GRM5: variants seen among roughly 807,000 people sequenced by gnomAD.
GRM5 encodes metabotropic glutamate receptor 5.
Under a neutral mutation model 83.1 loss-of-function variants are expected in GRM5, and 19 were observed. That is an observed-to-expected ratio of 0.23 (90% confidence interval 0.16 to 0.34). GRM5 has a LOEUF of 0.34. Among genes scored for constraint, GRM5 ranks in the 10% least tolerant of loss-of-function variants. The pLI is 1.00. For synonymous variants in GRM5, 675 were observed against 633.6 expected (o/e 1.07, Z -0.98); for missense variants, 1,160 against 1,588.3 (o/e 0.73, Z 4.58).
intron 3 of GRM5, among the ~76,000 whole-genome samples, chr11:88,709,615 C>A (rs1213499533): frequency 6.6e-6 from 1 of 152,088 alleles, no homozygotes; most frequent in Non-Finnish European, 1.5e-5. Context: ...GGGGTCAGAG[C>A]AGGAGCCAGC....
chr11:88,783,676 C>A (rs12794001), intron 3 of GRM5, among the ~76,000 whole-genome samples: 1 of 152,088 alleles, frequency 6.6e-6, no homozygotes, highest in Non-Finnish European at 1.5e-5. Context: ...TACCCATACT[C>A]ATCTTGGATG....
intron 3 of GRM5, among the ~76,000 whole-genome samples, chr11:88,699,838 A>G (rs991276403): frequency 3.0e-4 from 45 of 152,194 alleles, no homozygotes; most frequent in African/African-American, 1.1e-3. Context: ...CTGTGGCTGC[A>G]TGAGAAGTCT....
chr11:88,629,050 T>C (rs1009714507), intron 4 of GRM5, among the ~76,000 whole-genome samples: 4 of 152,188 alleles, frequency 2.6e-5, no homozygotes, highest in African/African-American at 9.7e-5. Context: ...GGTGCTTTCC[T>C]ATGTGCTCAG....
intron 3 of GRM5, among the ~76,000 whole-genome samples, chr11:88,659,327 C>T (rs1462128248): frequency 6.6e-6 from 1 of 152,100 alleles, no homozygotes. Context: ...CGATCTCTCA[C>T]ATTTCTTTTT....
At chr11:88,824,094 G>A (rs773321464) in intron 3 of GRM5, among the ~76,000 whole-genome samples, 1 of 152,068 alleles carries the variant, frequency 6.6e-6, no homozygotes, top group Non-Finnish European at 1.5e-5. Flanking sequence ...TTTAAAATTT[G>A]TGTTGCTATC....
intron 2 of GRM5, among the ~76,000 whole-genome samples, chr11:88,978,134 A>C (rs1939399760): frequency 6.6e-6 from 1 of 152,170 alleles, no homozygotes; most frequent in African/African-American, 2.4e-5. Flanking sequence ...AATAAGTCCT[A>C]GGTATTTACT....
At chr11:88,799,762 A>T (rs1186680373) in intron 3 of GRM5, among the ~76,000 whole-genome samples, 3 of 152,064 alleles carry the variant, frequency 2.0e-5, no homozygotes, top group Admixed American at 2.0e-4. Flanking sequence ...CGATAATAAA[A>T]GTCAGAAGAT....
intron 3 of GRM5, among the ~76,000 whole-genome samples, chr11:88,760,746 T>TA (rs1942495048): frequency 7.0e-6 from 1 of 142,074 alleles, no homozygotes; most frequent in Non-Finnish European, 1.6e-5. Context: ...CTCACAGAGA[T>TA]ACAACAAAAA....
chr11:88,830,378 T>C (rs996682862), intron 3 of GRM5, among the ~76,000 whole-genome samples: 1 of 152,066 alleles, frequency 6.6e-6, no homozygotes, highest in African/African-American at 2.4e-5. Context: ...TGACTGAAGG[T>C]ATCTGGTACT....
chr11:88,874,440 A>T (rs939802262), intron 2 of GRM5, among the ~76,000 whole-genome samples: 1 of 151,966 alleles, frequency 6.6e-6, no homozygotes, highest in Non-Finnish European at 1.5e-5. Flanking sequence ...AATCAACTCA[A>T]ATTGGATTAA....
rs149879540 is a variant in GRM5 at position 88,745,293 on chromosome 11, C to T, written c.912-91890G>A. 5.4e-4 allele frequency among the ~76,000 whole-genome samples: 62 copies of T among 114,210 alleles called. No individual in the cohort carries two copies. In the East Asian group the frequency reaches 0.018, roughly 32 times the overall value. The allele number at this position is 114,210 out of a possible 152,430, so 74.9% of individuals were successfully genotyped here. A position where few individuals can be genotyped will look rare whatever the true frequency, so the allele number is the denominator to read the frequency against. On this transcript the variant is annotated intron_variant, in intron 3 of 9. Transcript: ENST00000305447. ...ACAGCTCACTGCAACCTCAACCCTT[C>T]GGGCTCAATCCACCCACCCACCTCA...
chr11:88,913,768 GT>G (rs1945544229), intron 2 of GRM5, among the ~76,000 whole-genome samples: 1 of 151,766 alleles, frequency 6.6e-6, no homozygotes, highest in Non-Finnish European at 1.5e-5. Flanking sequence ...TGTATTTTTA[GT>G]AGATATGGGA....
chr11:88,571,075 A>T lies in GRM5; in HGVS notation c.1691-3083T>A, dbSNP rs146062559. Among the ~76,000 whole-genome samples, 788 of 152,196 alleles carry T rather than the reference A, an allele frequency of 5.2e-3. 10 individuals are homozygous for T. The highest frequency in any genetic ancestry group is 0.018 in the African/African-American group (750 of 41,498). ...AATGAGCTGGAAAAAGTAATTAAAC[A>T]CTTAATTTTACCCCAGTTTTTCCTA... On this transcript the variant is annotated intron_variant, in intron 7 of 9. Transcript: ENST00000305447.
intron 8 of GRM5, among the ~76,000 whole-genome samples, chr11:88,538,745 T>G (rs1179739805): frequency 1.3e-5 from 2 of 152,216 alleles, no homozygotes; most frequent in Non-Finnish European, 2.9e-5. Flanking sequence ...TTTACTGATT[T>G]AATCATTACA....
At chr11:88,733,992 T>G (rs1014085406) in intron 3 of GRM5, among the ~76,000 whole-genome samples, 2 of 151,976 alleles carry the variant, frequency 1.3e-5, no homozygotes, top group Non-Finnish European at 2.9e-5. Context: ...ATGAACAGTA[T>G]TTACCAAAGT....
intron 2 of GRM5, among the ~76,000 whole-genome samples, chr11:88,953,679 T>A (rs1312812810): frequency 6.6e-6 from 1 of 152,118 alleles, no homozygotes; most frequent in African/African-American, 2.4e-5. Flanking sequence ...ATCCACAATA[T>A]CAACATTGCC....
At chr11:88,848,913 G>T (rs1463491760) in intron 3 of GRM5, among the ~76,000 whole-genome samples, 3 of 152,164 alleles carry the variant, frequency 2.0e-5, no homozygotes, top group Admixed American at 1.3e-4. Flanking sequence ...AGGCTAAGAG[G>T]TAATGTTTTT....
rs752162762 is a variant in GRM5 at position 88,850,184 on chromosome 11, A to C, written c.662-29T>G. 8 of 973,332 alleles carry C rather than the reference A, an allele frequency of 8.2e-6. No homozygotes were observed. The South Asian group carries it at 1.1e-4, about 13-fold the overall frequency. 60.3% of individuals were successfully genotyped at this position (973,332 alleles called of 1,614,324 possible). Reference sequence around the variant, plus strand: ...TGTGAAAACATAGATAAGCAGAGGGATAGTGAAATGAGAGTGTTGCATTAA... The same window carrying C: ...TGTGAAAACATAGATAAGCAGAGGGCTAGTGAAATGAGAGTGTTGCATTAA... On this transcript the variant is annotated intron_variant, in intron 2 of 9. Transcript: ENST00000305447.
intron 2 of GRM5, among the ~76,000 whole-genome samples, chr11:88,860,044 T>C (rs1355229694): frequency 6.6e-6 from 1 of 152,180 alleles, no homozygotes; most frequent in African/African-American, 2.4e-5. Context: ...ACATCATTGC[T>C]GAAGAGGGAG....
Sources: gnomAD v4.1 joint callset for allele counts (sites outside exome capture counted in the v4.1 genomes callset) on GRCh38, gnomAD v4.1.1 for gene constraint, MANE v1.5 for transcripts, NCBI Gene and HGNC (gene_info 2026-07-23, HGNC 2026-07-21) for gene names.